Variants in KCNIP4 observed in about 807,000 individuals in gnomAD.
KCNIP4 encodes the protein potassium voltage-gated channel interacting protein 4, also known as Kv channel-interacting protein 4.
Under a neutral mutation model 34.0 loss-of-function variants are expected in KCNIP4, and 12 were observed. That is an observed-to-expected ratio of 0.35 (90% confidence interval 0.23 to 0.57). The LOEUF (loss-of-function observed/expected upper bound fraction) is 0.57, where lower values mean the gene tolerates loss of function less well. KCNIP4 is among the 20% of genes least tolerant of loss of function. The probability of loss-of-function intolerance (pLI) is 0.83; values close to 1 mark genes in which losing one functional copy is unlikely to be tolerated. For synonymous variants in KCNIP4, 124 were observed against 102.2 expected (o/e 1.21, Z -1.29); for missense variants, 238 against 311.7 (o/e 0.76, Z 1.78).
chr4:21,926,163 C>A (rs1253488371), intron 1 of KCNIP4, among the ~76,000 whole-genome samples: 1 of 152,178 alleles, frequency 6.6e-6, no homozygotes, highest in East Asian at 1.9e-4. Flanking sequence ...ATTGCTGTGG[C>A]TAAAAGCTTT....
intron 1 of KCNIP4, among the ~76,000 whole-genome samples, chr4:21,712,176 A>T (rs982426163): frequency 3.3e-5 from 5 of 152,202 alleles, no homozygotes; most frequent in Non-Finnish European, 5.9e-5. Context: ...CAATAATAAT[A>T]AATATTACAG....
chr4:21,925,602 T>C (rs763564215), intron 1 of KCNIP4, among the ~76,000 whole-genome samples: 4 of 152,132 alleles, frequency 2.6e-5, no homozygotes, highest in Non-Finnish European at 4.4e-5. Flanking sequence ...TTCATGAAAT[T>C]CCTTTTCCCC....
At chr4:21,122,105 C>A (rs1052640453) in intron 1 of KCNIP4, among the ~76,000 whole-genome samples, 6 of 151,812 alleles carry the variant, frequency 4.0e-5, no homozygotes, top group Non-Finnish European at 7.4e-5. Context: ...CTAAAAATTT[C>A]TCTTGTAGGA....
At chr4:21,231,556 T>C (rs1758787725) in intron 1 of KCNIP4, among the ~76,000 whole-genome samples, 1 of 152,160 alleles carries the variant, frequency 6.6e-6, no homozygotes, top group Non-Finnish European at 1.5e-5. Flanking sequence ...TTCTTAAAAC[T>C]GTGCCTTGGT....
At chr4:20,968,390 C>G (rs987419600) in intron 1 of KCNIP4, among the ~76,000 whole-genome samples, 7 of 152,040 alleles carry the variant, frequency 4.6e-5, no homozygotes, top group East Asian at 1.9e-4. Flanking sequence ...GGATCTAGAA[C>G]CAGAAATACC....
At chr4:20,961,555 A>T (rs1054757994) in intron 1 of KCNIP4, among the ~76,000 whole-genome samples, 3 of 152,200 alleles carry the variant, frequency 2.0e-5, no homozygotes, top group African/African-American at 7.2e-5. Context: ...AACAAAAGGA[A>T]ATTGATATAG....
chr4:21,206,659 T>G (rs1003265709), intron 1 of KCNIP4, among the ~76,000 whole-genome samples: 2 of 152,202 alleles, frequency 1.3e-5, no homozygotes, highest in Non-Finnish European at 2.9e-5. Flanking sequence ...GAACCCCAGT[T>G]GCTTTATTGT....
At chr4:21,040,023 C>A (rs888939600) in intron 1 of KCNIP4, among the ~76,000 whole-genome samples, 1 of 152,026 alleles carries the variant, frequency 6.6e-6, no homozygotes, top group Non-Finnish European at 1.5e-5. Context: ...TGAGAGAGTG[C>A]GTGTGTGAAG....
rs960750904 is a variant in KCNIP4 at position 21,727,538 on chromosome 4, G to T, written c.61+221033C>A. Among the ~76,000 whole-genome samples, 5 of 152,028 alleles carry T rather than the reference G, an allele frequency of 3.3e-5. 1 individual carries two copies. Among genetic ancestry groups the T allele is most frequent in the Non-Finnish European group, 7.4e-5 (5 of 68,004 alleles). ...AAGACAATACCCTACATTTAAAATGGTTATTTGTGGCCGGGTGTGGTGGCT... is the reference window on the plus strand; with the variant it reads ...AAGACAATACCCTACATTTAAAATGTTTATTTGTGGCCGGGTGTGGTGGCT... On this transcript the variant is annotated intron_variant, in intron 1 of 8. Coordinates refer to ENST00000382152, the MANE Select transcript of KCNIP4 (RefSeq NM_025221.6).
chr4:21,634,265 T>A (rs1371154217), intron 1 of KCNIP4, among the ~76,000 whole-genome samples: 1 of 151,140 alleles, frequency 6.6e-6, no homozygotes, highest in Non-Finnish European at 1.5e-5. Context: ...ATACATACTT[T>A]TATGCCTAAT....
At chr4:21,398,272 T>C (rs545915333) in intron 1 of KCNIP4, among the ~76,000 whole-genome samples, 24 of 152,342 alleles carry the variant, frequency 1.6e-4, no homozygotes, top group African/African-American at 5.3e-4. Context: ...GCCTTTCTTC[T>C]TAATTTGAAT....
At chr4:21,456,585 G>A (rs1728973672) in intron 1 of KCNIP4, among the ~76,000 whole-genome samples, 1 of 147,792 alleles carries the variant, frequency 6.8e-6, no homozygotes, top group Admixed American at 6.7e-5. Context: ...TTTATAAGAT[G>A]AATTACAATA....
At chr4:21,714,786 A>G (rs1052365616) in intron 1 of KCNIP4, among the ~76,000 whole-genome samples, 1 of 46,250 alleles carries the variant, frequency 2.2e-5, no homozygotes, top group Non-Finnish European at 3.7e-5. Flanking sequence ...TTTCCCTTTG[A>G]TTATTTTATT....
chr4:21,295,857 A>C (rs1050411021), intron 1 of KCNIP4, among the ~76,000 whole-genome samples: 1 of 152,124 alleles, frequency 6.6e-6, no homozygotes, highest in Non-Finnish European at 1.5e-5. Context: ...AAACTCTGCA[A>C]CTGTGTTCAT....
At position 20,758,899 on chromosome 4, in the gene KCNIP4, A is replaced by G. The variant is rs1362146244; in HGVS notation, c.289-9T>C. ...ACACCACTGGGGCATTCCTAGGGAA[A>G]GTGGCAGAGAAGCAATATGAGCAAA... On this transcript the variant is annotated splice_polypyrimidine_tract_variant and intron_variant, in intron 3 of 8. Transcript: ENST00000382152. The G allele has an allele frequency of 6.2e-7, 1 of 1,611,270 alleles. No individual in the cohort carries two copies. The highest frequency in any genetic ancestry group is 8.5e-7 in the Non-Finnish European group (1 of 1,178,170).
chr4:21,770,141 C>G (rs1302455815), intron 1 of KCNIP4, among the ~76,000 whole-genome samples: 1 of 152,060 alleles, frequency 6.6e-6, no homozygotes, highest in Non-Finnish European at 1.5e-5. Context: ...CCCAACAGAC[C>G]CTGGTGTGTG....
intron 1 of KCNIP4, among the ~76,000 whole-genome samples, chr4:21,436,372 C>A (rs181765465): frequency 1.7e-4 from 26 of 152,296 alleles, no homozygotes; most frequent in African/African-American, 6.3e-4. Flanking sequence ...TTGCCTTATA[C>A]TTTGCTTATT....
At chr4:21,550,626 C>T (rs1298206396) in intron 1 of KCNIP4, among the ~76,000 whole-genome samples, 1 of 152,042 alleles carries the variant, frequency 6.6e-6, no homozygotes, top group Non-Finnish European at 1.5e-5. Context: ...CATTTAACCT[C>T]CCTACCCATA....
At chr4:20,917,580 AAAAT>A (rs1380915012) in intron 1 of KCNIP4, among the ~76,000 whole-genome samples, 1 of 152,190 alleles carries the variant, frequency 6.6e-6, no homozygotes, top group Non-Finnish European at 1.5e-5. Context: ...GTCCTGAACG[AAAAT>A]AAATAAGATT....
Sources: allele counts gnomAD v4.1 joint callset (sites outside exome capture counted in the v4.1 genomes callset), GRCh38; gene constraint gnomAD v4.1.1; transcripts MANE v1.5; gene names NCBI Gene and HGNC (gene_info 2026-07-23, HGNC 2026-07-21).